Variants in SYTL3 observed in about 807,000 individuals in gnomAD.
SYTL3 encodes synaptotagmin like 3.
SYTL3 carries 88 observed loss-of-function variants against 82.1 expected under a neutral mutation model. The observed-to-expected ratio is 1.07, with a 90% CI of 0.90 to 1.28. The LOEUF is 1.28. Among genes scored for constraint, SYTL3 ranks in the 50% most tolerant of loss-of-function variants. The pLI is 0.00. For missense variants in SYTL3, 831 were observed against 757.6 expected (o/e 1.10, Z -1.14); for synonymous variants, 311 against 289.4 (o/e 1.07, Z -0.76).
intron 11 of SYTL3, among the ~76,000 whole-genome samples, chr6:158,729,780 A>T (rs1224809483): frequency 1.3e-5 from 2 of 151,676 alleles, no homozygotes; most frequent in African/African-American, 2.4e-5. Flanking sequence ...GTTAGCCAGG[A>T]TGGTCTTGAT....
intron 14 of SYTL3, among the ~76,000 whole-genome samples, 180 bp downstream of exon 14, chr6:158,757,561 GTTTGT>G (rs1020262232): frequency 1.3e-5 from 2 of 151,914 alleles, no homozygotes; most frequent in Admixed American, 6.5e-5. Flanking sequence ...TGGGCGGAGG[GTTTGT>G]TTTAACTGGC....
intron 11 of SYTL3, among the ~76,000 whole-genome samples, chr6:158,728,588 A>C (rs1785015001): frequency 6.6e-6 from 1 of 152,208 alleles, no homozygotes; most frequent in African/African-American, 2.4e-5. Flanking sequence ...TGATGTTTTA[A>C]ATGTATTCTC....
intron 5 of SYTL3, among the ~76,000 whole-genome samples, chr6:158,677,792 G>A (rs540507195): frequency 1.3e-5 from 2 of 151,922 alleles, no homozygotes; most frequent in Non-Finnish European, 2.9e-5. Context: ...TAATTTAGCT[G>A]GGAGTTACTG....
rs148097324 is a variant in SYTL3 at position 158,675,008 on chromosome 6, G to C, written c.330-7917G>C. 2.0e-3 allele frequency among the ~76,000 whole-genome samples: 310 copies of C among 151,954 alleles called. 3 individuals are homozygous for C. Among genetic ancestry groups the C allele is most frequent in the African/African-American group, 7.0e-3 (291 of 41,394 alleles). ...TGTGACACCTACTCTATGTACATAT[G>C]TAGAAAGCTGAAACTGGATCCCTTC... On this transcript the variant is annotated intron_variant, in intron 5 of 17. Coordinates refer to ENST00000611299, the MANE Select transcript of SYTL3 (RefSeq NM_001242394.2).
intron 8 of SYTL3, among the ~76,000 whole-genome samples, 173 bp from the exon 9 acceptor site, chr6:158,713,627 G>A (rs762982094): frequency 6.6e-5 from 10 of 152,032 alleles, no homozygotes; most frequent in South Asian, 2.1e-4. Context: ...ACTGCTGTCC[G>A]CCTCCAGGCC....
intron 2 of SYTL3, among the ~76,000 whole-genome samples, chr6:158,660,125 C>A (rs1053280792): frequency 1.3e-5 from 2 of 152,022 alleles, no homozygotes; most frequent in Non-Finnish European, 2.9e-5. Flanking sequence ...ATTAGCCGGG[C>A]GTGGTGGCGG....
intron 5 of SYTL3, among the ~76,000 whole-genome samples, chr6:158,674,500 A>G (rs912535278): frequency 1.3e-5 from 2 of 152,104 alleles, no homozygotes; most frequent in Non-Finnish European, 2.9e-5. Context: ...ATGGCATTTT[A>G]TCGGAAGCTC....
At chr6:158,667,820 T>C (rs317800) in intron 5 of SYTL3, among the ~76,000 whole-genome samples, 151,786 of 152,270 alleles carry the variant, frequency 1, 75,654 homozygotes, top group Middle Eastern at 1. Flanking sequence ...TTGGCCCTGA[T>C]CTTGTGTTGA....
At chr6:158,715,576 A>G (rs1783273530) in intron 9 of SYTL3, among the ~76,000 whole-genome samples, 2 of 115,236 alleles carry the variant, frequency 1.7e-5, no homozygotes, top group Admixed American at 1.7e-4. Context: ...CTTCTCAGAT[A>G]TGGAAAGCAG....
chr6:158,739,475 A>G (rs1242503004), intron 11 of SYTL3, among the ~76,000 whole-genome samples: 1 of 152,138 alleles, frequency 6.6e-6, no homozygotes, highest in Non-Finnish European at 1.5e-5. Context: ...ATTCTTAACC[A>G]TTATCTCTTC....
intron 5 of SYTL3, 78 bp from the exon 6 acceptor site, chr6:158,682,847 C>T: frequency 9.0e-7 from 1 of 1,112,970 alleles, no homozygotes; most frequent in South Asian, 1.3e-5. Flanking sequence ...TGTGACCTTA[C>T]CTAACCCTTA....
rs150216187 is a variant in SYTL3 at position 158,750,657 on chromosome 6, A to G, written c.1035-1271A>G. On this transcript the variant is annotated intron_variant, in intron 12 of 17. Transcript: ENST00000611299. Reference sequence around the variant, plus strand: ...CTTCGGGCGTCGAGTAGCTGGGACTACAGGTGCACACCACCACACCCAGTT... The same window carrying G: ...CTTCGGGCGTCGAGTAGCTGGGACTGCAGGTGCACACCACCACACCCAGTT... 1.6e-4 allele frequency among the ~76,000 whole-genome samples: 24 copies of G among 152,150 alleles called. No homozygotes were observed. In the East Asian group the frequency reaches 3.5e-3, roughly 22 times the overall value.
intron 11 of SYTL3, among the ~76,000 whole-genome samples, chr6:158,727,542 A>C (rs780902082): frequency 6.6e-6 from 1 of 152,106 alleles, no homozygotes; most frequent in Non-Finnish European, 1.5e-5. Context: ...GGAAGAAGGC[A>C]TCCTTCTGAG....
At chr6:158,755,257 C>T (rs553910674) in intron 13 of SYTL3, among the ~76,000 whole-genome samples, 8 of 152,238 alleles carry the variant, frequency 5.3e-5, no homozygotes, top group Non-Finnish European at 7.4e-5. Context: ...GTGGGAGGAT[C>T]GCTTGAGCCT....
chr6:158,658,347 C>T (rs781288601), intron 2 of SYTL3, among the ~76,000 whole-genome samples: 2 of 152,158 alleles, frequency 1.3e-5, no homozygotes, highest in Non-Finnish European at 2.9e-5. Context: ...GTCGCTGTGA[C>T]AATCATATAT....
At chr6:158,756,207 GA>G (rs891070190) in intron 13 of SYTL3, among the ~76,000 whole-genome samples, 17 of 152,252 alleles carry the variant, frequency 1.1e-4, no homozygotes, top group Non-Finnish European at 2.2e-4. Context: ...CTATGGGGCA[GA>G]ACCCATGCTT....
intron 5 of SYTL3, among the ~76,000 whole-genome samples, chr6:158,672,671 G>A (rs1359377845): frequency 2.0e-5 from 3 of 148,116 alleles, no homozygotes; most frequent in Non-Finnish European, 4.4e-5. Flanking sequence ...TCACTCTGTC[G>A]CCCAGGCTGG....
At chr6:158,725,307 C>T (rs769121400) in intron 10 of SYTL3, among the ~76,000 whole-genome samples, 196 bp from the exon 11 acceptor site, 21 of 151,836 alleles carry the variant, frequency 1.4e-4, no homozygotes, top group Non-Finnish European at 1.9e-4. Context: ...CTCGCATGCG[C>T]GTGTGTGGTG....
chr6:158,669,234 G>T (rs890194885), intron 5 of SYTL3, among the ~76,000 whole-genome samples: 1 of 152,098 alleles, frequency 6.6e-6, no homozygotes, highest in African/African-American at 2.4e-5. Flanking sequence ...CTATTAAAAC[G>T]AATATACTGT....
Sources: gnomAD v4.1 joint callset for allele counts (sites outside exome capture counted in the v4.1 genomes callset) on GRCh38, gnomAD v4.1.1 for gene constraint, MANE v1.5 for transcripts, NCBI Gene and HGNC (gene_info 2026-07-23, HGNC 2026-07-21) for gene names.